The following TP53BP1 variants were observed in gnomAD, a reference collection of about 807,000 sequenced individuals.
The protein encoded by TP53BP1 is tumor protein p53 binding protein 1, also known as TP53-binding protein 1.
TP53BP1 carries 61 observed loss-of-function variants against 200.8 expected under a neutral mutation model. The observed-to-expected ratio is 0.30, with a 90% confidence interval of 0.25 to 0.38. The LOEUF (loss-of-function observed/expected upper bound fraction) is 0.38. Ranked by LOEUF, TP53BP1 falls within the 10% of genes least tolerant of loss-of-function variation. The pLI is 1.00. For missense variants in TP53BP1, 2,144 were observed against 2,371.9 expected (o/e 0.90, Z 2.00); for synonymous variants, 822 against 844.3 (o/e 0.97, Z 0.46).
chr15:43,426,511 A>G (rs113728363), intron 18 of TP53BP1, among the ~76,000 whole-genome samples: 127 of 152,104 alleles, frequency 8.3e-4, no homozygotes, highest in African/African-American at 2.9e-3. Context: ...ATGAAATCTG[A>G]ATAATCTGTG....
Position 43,474,726 on chromosome 15 carries a change from C to T in TP53BP1, c.1127G>A (p.Arg376Gln), listed in dbSNP as rs201580098. 5.0e-6 allele frequency: 8 copies of T among 1,613,458 alleles called. No homozygotes were observed. Among genetic ancestry groups the T allele is most frequent in the Middle Eastern group, 1.7e-4 (1 of 6,060 alleles). ...GCTAGGAACGATAAAAGGAGTAGAT[C>T]GGAAAGCATCAGGAGAAGGAGCAAC... ...DLVAPSPDAF[R>Q]STPFIVPSSP... The change falls in exon 10 of 28, where the codon CGA becomes CAA. Residue 376 changes from arginine (R) to glutamine (Q), a missense_variant. Coordinates refer to ENST00000382044, the MANE Select transcript of TP53BP1 (RefSeq NM_001141980.3).
At chr15:43,440,983 T>C (rs558275388) in intron 15 of TP53BP1, among the ~76,000 whole-genome samples, 32 of 152,316 alleles carry the variant, frequency 2.1e-4, no homozygotes, top group African/African-American at 4.1e-4. Flanking sequence ...CCTGAAACAA[T>C]TGTATTCTCA....
Position 43,456,369 on chromosome 15 carries a change from C to T in TP53BP1, c.2239G>A (p.Glu747Lys), listed in dbSNP as rs1219247562. 1.2e-6 allele frequency: 2 copies of T among 1,609,164 alleles called. No homozygotes were observed. Among genetic ancestry groups the T allele is most frequent in the Non-Finnish European group, 1.7e-6 (2 of 1,178,588 alleles). ...GTAGCTTCTTCCCAAGCTTCCTGTT[C>T]CTTATGTTCCAATTCTTGGTCAAGT... Reference protein sequence around the residue: ...AILDQELEHKEQEAWEEATSE... With the variant: ...AILDQELEHKKQEAWEEATSE... Residue 747 changes from glutamate (E) to lysine (K), a missense_variant, in exon 12 of 28, where the codon GAA (glutamate) becomes AAA (lysine). By Grantham distance (56) the Glu-to-Lys change is moderately conservative. Coordinates refer to ENST00000382044, the MANE Select transcript of TP53BP1 (RefSeq NM_001141980.3).
Position 43,428,082 on chromosome 15 carries a change from A to G in TP53BP1, c.3762T>C (p.Leu1254=). The change falls in exon 18 of 28, where the codon CTT becomes CTC. Residue 1254 remains leucine, a synonymous_variant. Transcript: ENST00000382044. ...ACACATCTGTAATGACACGAGTGAC[A>G]AGTGTGCGTACTTCCCGGATTGTTC... is the stretch of plus-strand genomic sequence containing the variant. The part of the protein sequence containing the change: ...HMRTIREVRT[L]VTRVITDVYY... The G allele has an allele frequency of 6.2e-7, 1 of 1,613,286 alleles. No individual in the cohort carries two copies. The highest frequency in any genetic ancestry group is 2.2e-5 in the East Asian group (1 of 44,880).
At chr15:43,448,542 A>ATT (rs971504418) in intron 12 of TP53BP1, among the ~76,000 whole-genome samples, 3 of 144,820 alleles carry the variant, frequency 2.1e-5, no homozygotes, top group Non-Finnish European at 1.5e-5. Context: ...AAACAAAAAA[A>ATT]TTTTTTTTTT....
At chr15:43,500,388 T>C (rs2079203477) in intron 1 of TP53BP1, among the ~76,000 whole-genome samples, 1 of 152,202 alleles carries the variant, frequency 6.6e-6, no homozygotes, top group African/African-American at 2.4e-5. Flanking sequence ...CTCAATCTTC[T>C]TTTGTTGAAA....
chr15:43,491,333 A>C (rs1329159861), intron 4 of TP53BP1, among the ~76,000 whole-genome samples: 2 of 152,116 alleles, frequency 1.3e-5, no homozygotes, highest in African/African-American at 4.8e-5. Context: ...CATCCGCCTC[A>C]GCCTCTCAAA....
chr15:43,447,748 C>T (rs750098060), intron 12 of TP53BP1, among the ~76,000 whole-genome samples: 39 of 151,914 alleles, frequency 2.6e-4, no homozygotes, highest in South Asian at 8.3e-4. Flanking sequence ...TGAGAAAGCC[C>T]GAAGTCTGCA....
Position 43,404,726 on chromosome 15 carries a change from G to A in TP53BP1, c.*2657C>T. The A allele has an allele frequency of 1.4e-6, 1 of 697,052 alleles. No individual in the cohort carries two copies. Among genetic ancestry groups the A allele is most frequent in the Non-Finnish European group, 2.3e-6 (1 of 434,872 alleles). 43.2% of individuals were successfully genotyped at this position (697,052 alleles called of 1,614,324 possible). A position where few individuals can be genotyped will look rare whatever the true frequency, so the allele number is the denominator to read the frequency against. On this transcript the variant is annotated 3_prime_UTR_variant, in exon 28 of 28. Coordinates refer to ENST00000382044, the MANE Select transcript of TP53BP1 (RefSeq NM_001141980.3). ...TTTTAATGGAGGTTATTTTCTAGTAGAAGTCATCATCATCATAAAATACTA... is the reference window on the plus strand; with the variant it reads ...TTTTAATGGAGGTTATTTTCTAGTAAAAGTCATCATCATCATAAAATACTA...
At chr15:43,501,960 G>A (rs2079211450) in intron 1 of TP53BP1, among the ~76,000 whole-genome samples, 1 of 152,162 alleles carries the variant, frequency 6.6e-6, no homozygotes, top group African/African-American at 2.4e-5. Flanking sequence ...AACTAGAAGT[G>A]GAACTGCTGG....
Position 43,407,408 on chromosome 15 carries a change from T to C in TP53BP1, c.5909A>G (p.Tyr1970Cys), listed in dbSNP as rs1171716958. The change falls in exon 28 of 28, where the codon TAT (tyrosine) becomes TGT (cysteine). Residue 1970 changes from tyrosine (Y) to cysteine (C), a missense_variant. Tyr to Cys is a radical substitution (Grantham distance 194). This residue lies in a region of TP53BP1 where 334 missense variants were observed against 453.4 expected (regional missense o/e 0.74). Coordinates refer to ENST00000382044, the MANE Select transcript of TP53BP1 (RefSeq NM_001141980.3). The part of the protein sequence containing the change: ...ERIGFKQHPK[Y>C]KHDYVSH ...TTAGTGAGAAACATAATCGTGTTTA[T>C]ATTTTGGATGCTGCTTGAATCCAAT... The C allele has an allele frequency of 6.2e-7, 1 of 1,614,220 alleles. No individual in the cohort carries two copies.
At chr15:43,503,222 CA>C (rs1270780945) in intron 1 of TP53BP1, among the ~76,000 whole-genome samples, 1 of 152,226 alleles carries the variant, frequency 6.6e-6, no homozygotes, top group Non-Finnish European at 1.5e-5. Context: ...ATCAATCACC[CA>C]AAAAGTTCCC....
intron 4 of TP53BP1, 66 bp from the exon 5 acceptor site, chr15:43,481,088 T>C (rs2078958217): frequency 6.3e-7 from 1 of 1,596,844 alleles, no homozygotes; most frequent in Admixed American, 1.7e-5. Flanking sequence ...CAGAGCACTC[T>C]GACCCCCAAC....
chr15:43,403,282 C>CT lies in TP53BP1; in HGVS notation c.*4100dup, dbSNP rs2044733880. ...TAAAGAAGCAAGAAACGAGGGTTCACTAAAGGCTATAGTGGGGAAGGGAGT... is the reference window on the plus strand; with the variant it reads ...TAAAGAAGCAAGAAACGAGGGTTCACTTAAAGGCTATAGTGGGGAAGGGAGT... On this transcript the variant is annotated 3_prime_UTR_variant, in exon 28 of 28. Coordinates refer to ENST00000382044, the MANE Select transcript of TP53BP1 (RefSeq NM_001141980.3). 1 of 160,672 alleles carries CT rather than the reference C, an allele frequency of 6.2e-6. No individual in the cohort carries two copies. Among genetic ancestry groups the CT allele is most frequent in the Admixed American group, 6.3e-5 (1 of 15,838 alleles). 10.0% of individuals were successfully genotyped at this position (160,672 alleles called of 1,614,324 possible).
intron 7 of TP53BP1, among the ~76,000 whole-genome samples, chr15:43,478,883 T>A (rs1287116221): frequency 6.6e-6 from 1 of 152,156 alleles, no homozygotes; most frequent in Non-Finnish European, 1.5e-5. Context: ...AACCAAAGAT[T>A]ACGGAGTCAT....
chr15:43,485,904 A>T (rs1350602005), intron 4 of TP53BP1, among the ~76,000 whole-genome samples: 1 of 152,242 alleles, frequency 6.6e-6, no homozygotes, highest in African/African-American at 2.4e-5. Flanking sequence ...AAATCAGAAA[A>T]AGCATGAAAT....
rs1000147731 is a variant in TP53BP1 at position 43,404,608 on chromosome 15, T to C, written c.*2775A>G. ...CTTTTTAAGGTGGCTTTTTAATGAGTTGTAGAATTCTAGAACTGGAAGAAG... is the reference window on the plus strand; with the variant it reads ...CTTTTTAAGGTGGCTTTTTAATGAGCTGTAGAATTCTAGAACTGGAAGAAG... On this transcript the variant is annotated 3_prime_UTR_variant, in exon 28 of 28. Transcript: ENST00000382044. 1.5e-5 allele frequency: 23 copies of C among 1,584,248 alleles called. No homozygotes were observed. In the African/African-American group the frequency reaches 2.6e-4, roughly 18 times the overall value.
At chr15:43,492,559 G>C (rs1312274129) in intron 1 of TP53BP1, 91 bp from the exon 2 acceptor site, 2 of 1,048,676 alleles carry the variant, frequency 1.9e-6, no homozygotes, top group Non-Finnish European at 2.8e-6. Flanking sequence ...AAGTACAAGA[G>C]CTGGGAAACG....
chr15:43,407,931 T>C lies in TP53BP1; in HGVS notation c.5746+12A>G, dbSNP rs998071347. On this transcript the variant is annotated intron_variant, in intron 27 of 27. Coordinates refer to ENST00000382044, the MANE Select transcript of TP53BP1 (RefSeq NM_001141980.3). ...CCTGGAACAAAGACACTACACACAC[T>C]CTTTCAGGTACCTTTGTTATGGGCA... 1.9e-6 allele frequency: 3 copies of C among 1,608,446 alleles called. No individual in the cohort carries two copies. The highest frequency in any genetic ancestry group is 2.7e-5 in the African/African-American group (2 of 74,860).
Sources: gnomAD v4.1 joint callset for allele counts (sites outside exome capture counted in the v4.1 genomes callset) on GRCh38, gnomAD v4.1.1 for gene constraint, gnomAD v4.1.1 regional missense constraint, MANE v1.5 for transcripts, NCBI Gene and HGNC (gene_info 2026-07-23, HGNC 2026-07-21) for gene names.